The following NEO1 variants were observed in gnomAD, a reference collection of about 807,000 sequenced individuals.
NEO1 encodes the protein neogenin 1.
A neutral mutation model predicts 159.7 loss-of-function variants in NEO1; 63 were observed. The ratio of observed to expected loss-of-function variants is 0.39; its 90% CI spans 0.32 to 0.49. NEO1 has a LOEUF of 0.49. Ranked by LOEUF, NEO1 falls within the 20% of genes least tolerant of loss-of-function variation. NEO1 has a pLI of 0.85. For synonymous variants in NEO1, 633 were observed against 662.0 expected (o/e 0.96, Z 0.67); for missense variants, 1,615 against 1,831.0 (o/e 0.88, Z 2.15).
chr15:73,224,208 T>C (rs1001897039), intron 7 of NEO1, among the ~76,000 whole-genome samples: 5 of 152,204 alleles, frequency 3.3e-5, no homozygotes, highest in Non-Finnish European at 7.3e-5. Context: ...GGTTACCTGG[T>C]GCTTCTGTCT....
chr15:73,149,102 G>A (rs1383203041), intron 5 of NEO1, among the ~76,000 whole-genome samples: 4 of 151,996 alleles, frequency 2.6e-5, no homozygotes, highest in African/African-American at 9.7e-5. Context: ...GGATCACGAG[G>A]TCAAGAGATT....
intron 14 of NEO1, among the ~76,000 whole-genome samples, chr15:73,259,973 A>G (rs1443306873): frequency 6.6e-6 from 1 of 151,060 alleles, no homozygotes; most frequent in Non-Finnish European, 1.5e-5. Flanking sequence ...AAGGCAATTT[A>G]TTTTTCTCCA....
chr15:73,245,373 C>T (rs2150915603), intron 9 of NEO1, among the ~76,000 whole-genome samples: 1 of 152,262 alleles, frequency 6.6e-6, no homozygotes, highest in East Asian at 1.9e-4. Context: ...CTTCTAATTA[C>T]ATTTCTAAGA....
chr15:73,097,797 T>TTTTG (rs2070156847), intron 1 of NEO1, among the ~76,000 whole-genome samples: 1 of 114,866 alleles, frequency 8.7e-6, no homozygotes, highest in African/African-American at 2.7e-5. Context: ...TTTTTTTTTT[T>TTTTG]TGTAAGTTCT....
intron 5 of NEO1, among the ~76,000 whole-genome samples, chr15:73,171,598 G>A (rs567062940): frequency 1.4e-5 from 2 of 145,742 alleles, no homozygotes; most frequent in African/African-American, 5.0e-5. Flanking sequence ...TGGGTAATAG[G>A]TGATATTAAG....
intron 7 of NEO1, among the ~76,000 whole-genome samples, chr15:73,232,547 C>T (rs994333204): frequency 1.3e-5 from 2 of 152,216 alleles, no homozygotes; most frequent in African/African-American, 4.8e-5. Context: ...TGAACACACA[C>T]ACACAGGTTT....
In NEO1 at chr15:73,293,479, C is replaced by G; in HGVS notation, c.3832C>G (p.Leu1278Val). 1 of 1,614,192 alleles carries G rather than the reference C, an allele frequency of 6.2e-7. No homozygotes were observed. Among genetic ancestry groups the G allele is most frequent in the East Asian group, 2.2e-5 (1 of 44,876 alleles). The change falls in exon 26 of 29, where the codon CTC becomes GTC. Residue 1278 changes from leucine to valine, a missense_variant. Physicochemically the swap from Leu to Val is conservative, Grantham distance 32 (BLOSUM62 1). This residue lies in a region of NEO1 where 471 missense variants were observed against 498.9 expected (regional missense o/e 0.94). Coordinates refer to ENST00000261908, the MANE Select transcript of NEO1 (RefSeq NM_002499.4). ...CCTCGCTTCTCCAGCTCGCAGTCATCTCTACCACCCGGGCAGCCCATGGCC... is the reference window on the plus strand; with the variant it reads ...CCTCGCTTCTCCAGCTCGCAGTCATGTCTACCACCCGGGCAGCCCATGGCC... ...SSLASPARSH[L>V]YHPGSPWPIG...
At chr15:73,185,209 C>T (rs137923318) in intron 7 of NEO1, among the ~76,000 whole-genome samples, 3 of 152,018 alleles carry the variant, frequency 2.0e-5, no homozygotes, top group Admixed American at 6.6e-5. Flanking sequence ...GGGGAGGATA[C>T]GTGTCATAAA....
At chr15:73,288,149 CTTG>C (rs150219014) in intron 23 of NEO1, among the ~76,000 whole-genome samples, 161 bp from the exon 24 acceptor site, 2,034 of 151,776 alleles carry the variant, frequency 0.013, 41 homozygotes, top group African/African-American at 0.046. Context: ...CAGGAGCAAA[CTTG>C]TTGTTGTTGT....
intron 5 of NEO1, among the ~76,000 whole-genome samples, chr15:73,175,143 G>A (rs1007293277): frequency 6.6e-6 from 1 of 152,158 alleles, no homozygotes; most frequent in Non-Finnish European, 1.5e-5. Flanking sequence ...AAATAAATCT[G>A]TCTCTACTCA....
intron 4 of NEO1, among the ~76,000 whole-genome samples, chr15:73,132,068 A>G (rs1422043437): frequency 6.6e-6 from 1 of 152,162 alleles, no homozygotes; most frequent in Admixed American, 6.5e-5. Context: ...TTGTAGAGTT[A>G]TCTTCTATGT....
At chr15:73,203,762 A>G (rs1486066416) in intron 7 of NEO1, among the ~76,000 whole-genome samples, 1 of 152,064 alleles carries the variant, frequency 6.6e-6, no homozygotes, top group East Asian at 1.9e-4. Flanking sequence ...CTTCCCTCCC[A>G]TCCCTTGTAA....
Position 73,144,876 on chromosome 15 carries a change from T to G in NEO1, c.1015+8849T>G, listed in dbSNP as rs187914070. Among the ~76,000 whole-genome samples, 393 of 152,342 alleles carry G rather than the reference T, an allele frequency of 2.6e-3. 4 individuals are homozygous for G. Among genetic ancestry groups the G allele is most frequent in the Non-Finnish European group, 4.2e-3 (285 of 68,030 alleles). ...AATCATTCTTGATTATTTCAATCTT[T>G]TTATTTTTTTTCCACATTCAGTTCA... On this transcript the variant is annotated intron_variant, in intron 5 of 28. Transcript: ENST00000261908.
intron 1 of NEO1, among the ~76,000 whole-genome samples, chr15:73,083,275 A>G (rs1368865051): frequency 6.6e-6 from 1 of 152,112 alleles, no homozygotes; most frequent in Admixed American, 6.6e-5. Context: ...GAGAGTGTAA[A>G]TGGGCGTGAT....
At chr15:73,271,245 C>G (rs1045382688) in intron 18 of NEO1, among the ~76,000 whole-genome samples, 2 of 152,184 alleles carry the variant, frequency 1.3e-5, no homozygotes, top group Non-Finnish European at 2.9e-5. Flanking sequence ...CTTTCTTTGC[C>G]AACCATTTTA....
At chr15:73,239,765 G>A (rs938952785) in intron 8 of NEO1, among the ~76,000 whole-genome samples, 2 of 152,174 alleles carry the variant, frequency 1.3e-5, no homozygotes, top group African/African-American at 4.8e-5. Flanking sequence ...ATGAAATCAC[G>A]TGATGCATTT....
intron 4 of NEO1, among the ~76,000 whole-genome samples, chr15:73,131,759 T>C (rs1394786833): frequency 1.3e-5 from 2 of 152,228 alleles, no homozygotes; most frequent in African/African-American, 4.8e-5. Context: ...CCGTTGTTCT[T>C]AGGTTAAGGA....
chr15:73,127,223 G>C (rs553515151), intron 4 of NEO1, among the ~76,000 whole-genome samples: 1 of 137,108 alleles, frequency 7.3e-6, no homozygotes, highest in African/African-American at 3.0e-5. Flanking sequence ...AGACCTAGAC[G>C]CCGTCTCAAA....
chr15:73,127,230 CAA>C (rs762924676), intron 4 of NEO1, among the ~76,000 whole-genome samples: 8 of 125,124 alleles, frequency 6.4e-5, no homozygotes, highest in Admixed American at 8.3e-5. Flanking sequence ...GACGCCGTCT[CAA>C]AAAAAAAAAA....
Sources: allele counts gnomAD v4.1 joint callset (sites outside exome capture counted in the v4.1 genomes callset), GRCh38; gene constraint gnomAD v4.1.1; regional missense constraint gnomAD v4.1.1; transcripts MANE v1.5; gene names NCBI Gene and HGNC (gene_info 2026-07-23, HGNC 2026-07-21).